The following LEKR1 variants were observed in gnomAD, a reference collection of about 807,000 sequenced individuals.
LEKR1 encodes leucine, glutamate and lysine rich 1.
In LEKR1, 59 loss-of-function variants were observed where a neutral mutation model predicts 72.4. The observed-to-expected ratio is 0.82, with a 90% CI of 0.66 to 1.01. The LOEUF (loss-of-function observed/expected upper bound fraction) is 1.01. Among genes scored for constraint, LEKR1 ranks in the 50% least tolerant of loss-of-function variants. LEKR1 has a pLI of 0.00. For missense variants in LEKR1, 728 were observed against 759.2 expected, an observed-to-expected ratio of 0.96 and a Z score of 0.48; for synonymous variants, 257 against 263.2, an observed-to-expected ratio of 0.98 and a Z score of 0.23.
chr3:156,996,864 C>T (rs1277806470), intron 9 of LEKR1, among the ~76,000 whole-genome samples: 3 of 151,910 alleles, frequency 2.0e-5, no homozygotes, highest in South Asian at 2.1e-4. Context: ...CAGTGGTTCG[C>T]GAACAGCCTG....
At chr3:157,000,037 GAACCATGTTGT>G (rs1247401157) in intron 9 of LEKR1, among the ~76,000 whole-genome samples, 1 of 152,098 alleles carries the variant, frequency 6.6e-6, no homozygotes, top group African/African-American at 2.4e-5. Context: ...ACATCTTTCT[GAACCATGTTGT>G]AACACTGAGT....
intron 3 of LEKR1, among the ~76,000 whole-genome samples, chr3:156,885,042 A>C (rs1413367614): frequency 6.6e-6 from 1 of 151,984 alleles, no homozygotes; most frequent in African/African-American, 2.4e-5. Flanking sequence ...TGAGCTCTGA[A>C]GTTCTTTCTT....
At chr3:156,931,517 T>C (rs1231597046) in intron 5 of LEKR1, among the ~76,000 whole-genome samples, 1 of 152,136 alleles carries the variant, frequency 6.6e-6, no homozygotes, top group African/African-American at 2.4e-5. Context: ...AATGTGAAAA[T>C]GTACGTCCAC....
intron 7 of LEKR1, among the ~76,000 whole-genome samples, chr3:156,983,884 C>T (rs915342183): frequency 2.0e-5 from 3 of 152,144 alleles, no homozygotes; most frequent in Admixed American, 1.3e-4. Flanking sequence ...TCTGAGGATT[C>T]AACACAACCA....
Position 156,957,704 on chromosome 3 carries a change from G to A in LEKR1, c.745+14990G>A, listed in dbSNP as rs1487901507. ...TCAGTCTTCATATATAGGTTATGCA[G>A]TTGTAGATAGAATATAGCCTCTTCT... On this transcript the variant is annotated intron_variant, in intron 6 of 12. Coordinates refer to ENST00000356539, the MANE Select transcript of LEKR1 (RefSeq NM_001004316.3). Among the ~76,000 whole-genome samples, 3 of 152,082 alleles carry A rather than the reference G, an allele frequency of 2.0e-5. No homozygotes were observed. In the East Asian group the frequency reaches 5.8e-4, roughly 29 times the overall value.
At position 157,043,083 on chromosome 3, in the gene LEKR1, G is replaced by T. The variant is rs6807062; in HGVS notation, c.1669-2257G>T. Among the ~76,000 whole-genome samples, 644 of 152,010 alleles carry T rather than the reference G, an allele frequency of 4.2e-3. 2 individuals are homozygous for T. The highest frequency in any genetic ancestry group is 0.015 in the African/African-American group (620 of 41,388). Reference sequence around the variant, plus strand: ...AGATCTGGTTGTTTAAAGTGTGTAGGGCCTCCCCCCAACTCTCTTGCTCCT... The same window carrying T: ...AGATCTGGTTGTTTAAAGTGTGTAGTGCCTCCCCCCAACTCTCTTGCTCCT... On this transcript the variant is annotated intron_variant, in intron 12 of 12. Coordinates refer to ENST00000356539, the MANE Select transcript of LEKR1 (RefSeq NM_001004316.3).
At chr3:156,835,763 G>C (rs1348002895) in intron 2 of LEKR1, among the ~76,000 whole-genome samples, 1 of 150,086 alleles carries the variant, frequency 6.7e-6, no homozygotes, top group Admixed American at 6.7e-5. Flanking sequence ...AAGTTCTCTC[G>C]TAAAGCCTCT....
At chr3:156,841,914 C>T (rs915361190) in intron 2 of LEKR1, among the ~76,000 whole-genome samples, 15 of 152,050 alleles carry the variant, frequency 9.9e-5, no homozygotes, top group Non-Finnish European at 2.1e-4. Context: ...TCACACAGCC[C>T]GAGGTGAGTG....
At chr3:157,003,782 A>T (rs1362442712) in intron 9 of LEKR1, among the ~76,000 whole-genome samples, 1 of 152,222 alleles carries the variant, frequency 6.6e-6, no homozygotes, top group Non-Finnish European at 1.5e-5. Context: ...AACTGTGATA[A>T]GCTAAAAATG....
intron 2 of LEKR1, among the ~76,000 whole-genome samples, chr3:156,839,902 T>TA (rs1713675735): frequency 6.6e-6 from 1 of 152,238 alleles, no homozygotes; most frequent in Admixed American, 6.5e-5. Flanking sequence ...AGTTATGACA[T>TA]ATTTCCTCAA....
intron 5 of LEKR1, among the ~76,000 whole-genome samples, chr3:156,936,620 A>G (rs2108578980): frequency 6.6e-6 from 1 of 152,316 alleles, no homozygotes; most frequent in African/African-American, 2.4e-5. Context: ...TCCTAAATAA[A>G]GTAACAAAAA....
At chr3:156,856,767 ATTAG>A (rs1716109663) in intron 3 of LEKR1, among the ~76,000 whole-genome samples, 4 of 151,818 alleles carry the variant, frequency 2.6e-5, no homozygotes. Context: ...GAATTCTTTT[ATTAG>A]TTGTTTGAAT....
At chr3:157,000,904 T>C (rs1731960564) in intron 9 of LEKR1, among the ~76,000 whole-genome samples, 1 of 152,180 alleles carries the variant, frequency 6.6e-6, no homozygotes, top group South Asian at 2.1e-4. Context: ...CCCAATGCTG[T>C]TCTTGTAATA....
intron 6 of LEKR1, among the ~76,000 whole-genome samples, chr3:156,961,058 C>G (rs778022455): frequency 6.6e-6 from 1 of 152,184 alleles, no homozygotes; most frequent in Non-Finnish European, 1.5e-5. Context: ...TATTGGAAGA[C>G]AGAGTTCAAA....
intron 6 of LEKR1, among the ~76,000 whole-genome samples, chr3:156,958,257 T>G (rs1310376464): frequency 6.6e-6 from 1 of 152,164 alleles, no homozygotes; most frequent in Non-Finnish European, 1.5e-5. Context: ...TGTTCACAAG[T>G]GTACTTCTTG....
chr3:157,036,001 G>C (rs752783157), intron 12 of LEKR1, among the ~76,000 whole-genome samples: 2 of 152,194 alleles, frequency 1.3e-5, no homozygotes, highest in African/African-American at 2.4e-5. Context: ...AAGGATATCA[G>C]CCAATAAACT....
rs933341375 is a variant in LEKR1, at chr3:156,854,842, C to T, written c.263+1860C>T. Among the ~76,000 whole-genome samples the T allele has an allele frequency of 5.9e-5, 9 of 151,748 alleles. No homozygotes were observed. The South Asian group carries it at 1.0e-3, about 18-fold the overall frequency. On this transcript the variant is annotated intron_variant, in intron 3 of 12. Transcript: ENST00000356539. Reference sequence around the variant, plus strand: ...GTGCTGGGATTATAGGCATGAGCCACGTGCCCAGCCTTATTTTCTTAATAT... The same window carrying T: ...GTGCTGGGATTATAGGCATGAGCCATGTGCCCAGCCTTATTTTCTTAATAT...
chr3:156,942,223 T>C (rs888694066), intron 5 of LEKR1, among the ~76,000 whole-genome samples: 3 of 151,992 alleles, frequency 2.0e-5, no homozygotes, highest in Non-Finnish European at 2.9e-5. Flanking sequence ...CCTATAACAT[T>C]ACACAGATAT....
At chr3:156,834,416 C>T (rs761115071) in intron 2 of LEKR1, among the ~76,000 whole-genome samples, 5 of 152,156 alleles carry the variant, frequency 3.3e-5, no homozygotes, top group Non-Finnish European at 7.4e-5. Context: ...GGACAATCCT[C>T]AAAAATCTCC....
Sources: allele counts gnomAD v4.1 joint callset (sites outside exome capture counted in the v4.1 genomes callset), GRCh38; gene constraint gnomAD v4.1.1; transcripts MANE v1.5; gene names NCBI Gene and HGNC (gene_info 2026-07-23, HGNC 2026-07-21).